The following RAB40B variants were observed in gnomAD, a reference collection of about 807,000 sequenced individuals.
RAB40B encodes RAB40B, member RAS oncogene family, also known as ras-related protein Rab-40B.
RAB40B carries 21 observed loss-of-function variants against 24.0 expected under a neutral mutation model. The ratio of observed to expected loss-of-function variants is 0.88; its 90% CI spans 0.62 to 1.26. The LOEUF is 1.26. Ranked by LOEUF, RAB40B falls within the 50% of genes most tolerant of loss-of-function variation. The pLI is 0.00. For missense variants in RAB40B, 348 were observed against 390.5 expected, an observed-to-expected ratio of 0.89 and a Z score of 0.92; for synonymous variants, 167 against 169.8, an observed-to-expected ratio of 0.98 and a Z score of 0.13.
intron 1 of RAB40B, among the ~76,000 whole-genome samples, chr17:82,679,628 C>A (rs1425451160): frequency 6.6e-6 from 1 of 152,192 alleles, no homozygotes; most frequent in African/African-American, 2.4e-5. Flanking sequence ...ACTAAACTCC[C>A]AAAAGGTGAG....
In RAB40B at chr17:82,658,276, G is replaced by A. The variant is rs534805417; in HGVS notation, c.566-142C>T. 83 of 1,222,002 alleles carry A rather than the reference G, an allele frequency of 6.8e-5. No individual in the cohort carries two copies. In the South Asian group the frequency reaches 1.0e-3, roughly 15 times the overall value. The allele number at this position is 1,222,002 out of a possible 1,614,324, so 75.7% of individuals were successfully genotyped here. On this transcript the variant is annotated intron_variant, in intron 5 of 5. Transcript: ENST00000571995. ...GCTTGTACATGCAGCAAGCCCTGCCGCGACGTCCCCTCTGCCCACGTACAG... is the reference window on the plus strand; with the variant it reads ...GCTTGTACATGCAGCAAGCCCTGCCACGACGTCCCCTCTGCCCACGTACAG...
chr17:82,658,337 C>A, intron 5 of RAB40B, 154 bp downstream of exon 5: 1 of 1,082,368 alleles, frequency 9.2e-7, no homozygotes. Context: ...TCTGACAAAG[C>A]TGTAGTCATT....
chr17:82,693,420 G>A (rs750181653), intron 1 of RAB40B, among the ~76,000 whole-genome samples: 1 of 152,258 alleles, frequency 6.6e-6, no homozygotes, highest in Non-Finnish European at 1.5e-5. Flanking sequence ...ACAGCCCCGT[G>A]CTGAGAGGGA....
In RAB40B at chr17:82,669,810, C is replaced by T. The variant is rs150210194; in HGVS notation, c.143-5254G>A. ...GTCCTTTAAAACCCTACTAAGCTCT[C>T]GGGAAGGCACCATCATGTGCCAAGT... is the stretch of plus-strand genomic sequence containing the variant. On this transcript the variant is annotated intron_variant, in intron 1 of 5. Transcript: ENST00000571995. Among the ~76,000 whole-genome samples, 10 of 152,324 alleles carry T rather than the reference C, an allele frequency of 6.6e-5. No individual in the cohort carries two copies. The East Asian group carries it at 1.5e-3, about 23-fold the overall frequency.
intron 1 of RAB40B, among the ~76,000 whole-genome samples, chr17:82,670,057 C>G (rs987248650): frequency 6.6e-6 from 1 of 152,156 alleles, no homozygotes; most frequent in Non-Finnish European, 1.5e-5. Context: ...CGAAGGGACA[C>G]TCACCCCCAC....
intron 1 of RAB40B, among the ~76,000 whole-genome samples, chr17:82,671,012 T>C (rs1318959412): frequency 6.6e-6 from 1 of 152,026 alleles, no homozygotes; most frequent in African/African-American, 2.4e-5. Flanking sequence ...TCTTTTGCTA[T>C]GCATCTCCAG....
At chr17:82,680,010 C>T (rs1159930480) in intron 1 of RAB40B, among the ~76,000 whole-genome samples, 1 of 152,246 alleles carries the variant, frequency 6.6e-6, no homozygotes, top group East Asian at 1.9e-4. Context: ...CCTCACAACC[C>T]ATCAGAGTGG....
At chr17:82,680,689 TTTTAAC>T (rs2046440434) in intron 1 of RAB40B, among the ~76,000 whole-genome samples, 2 of 152,302 alleles carry the variant, frequency 1.3e-5, no homozygotes, top group South Asian at 4.1e-4. Flanking sequence ...ATATATGTAA[TTTTAAC>T]ATTTTTCATA....
At chr17:82,668,680 G>C (rs965463308) in intron 1 of RAB40B, among the ~76,000 whole-genome samples, 1 of 152,256 alleles carries the variant, frequency 6.6e-6, no homozygotes, top group Non-Finnish European at 1.5e-5. Flanking sequence ...AGTGAGGAGA[G>C]GCCAGGCATT....
chr17:82,681,210 C>T lies in RAB40B; in HGVS notation c.143-16654G>A, dbSNP rs545621447. Reference sequence around the variant, plus strand: ...TGGTAGGTAAGTGGTAAATGAGCTCCCCCACCCCCAACTCCTTAGTGAAGA... The same window carrying T: ...TGGTAGGTAAGTGGTAAATGAGCTCTCCCACCCCCAACTCCTTAGTGAAGA... On this transcript the variant is annotated intron_variant, in intron 1 of 5. Transcript: ENST00000571995. 3.3e-5 allele frequency among the ~76,000 whole-genome samples: 5 copies of T among 151,998 alleles called. No individual in the cohort carries two copies. In the East Asian group the frequency reaches 9.7e-4, roughly 29 times the overall value.
intron 1 of RAB40B, among the ~76,000 whole-genome samples, chr17:82,689,217 GC>G (rs1465755727): frequency 6.6e-6 from 1 of 152,252 alleles, no homozygotes. Context: ...CACTCCTGGG[GC>G]AGGAGGAGCA....
intron 1 of RAB40B, among the ~76,000 whole-genome samples, chr17:82,673,550 G>A (rs986652833): frequency 3.3e-5 from 5 of 152,330 alleles, no homozygotes; most frequent in Non-Finnish European, 1.5e-5. Flanking sequence ...TCTTTAGGCT[G>A]CCCTCACTCT....
rs1478007629 is a variant in RAB40B, at chr17:82,661,015, A to G, written c.236T>C (p.Ile79Thr). ...DTSGQGRFCT[I>T]FRSYSRGAQG... ...TGCGCCCCGGGAGTAGGAGCGGAAT[A>G]TGGTACAAAATCTTCCCTGGCCTGA... is the stretch of plus-strand genomic sequence containing the variant. The change falls in exon 3 of 6, where the codon ATA becomes ACA. Residue 79 changes from isoleucine to threonine, a missense_variant. By Grantham distance (89) the Ile-to-Thr change is moderately conservative (BLOSUM62 -1). Around this residue, in one of 3 missense-constraint regions of RAB40B, gnomAD observed 126 missense variants for 181.0 expected, o/e 0.70. Transcript: ENST00000571995. 1 of 1,614,112 alleles carries G rather than the reference A, an allele frequency of 6.2e-7. No individual in the cohort carries two copies. The highest frequency in any genetic ancestry group is 1.1e-5 in the South Asian group (1 of 91,086).
chr17:82,669,203 C>T (rs9905734), intron 1 of RAB40B, among the ~76,000 whole-genome samples: 28,539 of 151,884 alleles, frequency 0.19, 3,097 homozygotes, highest in Middle Eastern at 0.3. Context: ...GGCCTGGGCG[C>T]GGTGGCTCAC....
chr17:82,657,936 C>T lies in RAB40B; in HGVS notation c.764G>A (p.Arg255His), dbSNP rs201456706. 7 of 1,614,004 alleles carry T rather than the reference C, an allele frequency of 4.3e-6. No individual in the cohort carries two copies. The highest frequency in any genetic ancestry group is 2.2e-5 in the East Asian group (1 of 44,858). ...GGGGGGGCGGACGAGCTTCACTTTG[C>T]GGAGGCTGCTCCTTTTGTGGGTGGA... ...TSSTHKRSSL[R>H]KVKLVRPPQS... Residue 255 changes from arginine (R) to histidine (H), a missense_variant, in exon 6 of 6, where the codon CGC becomes CAC. Physicochemically the swap from Arg to His is conservative, Grantham distance 29. Transcript: ENST00000571995.
At chr17:82,661,156 G>T in intron 2 of RAB40B, 109 bp from the exon 3 acceptor site, 1 of 1,509,074 alleles carries the variant, frequency 6.6e-7, no homozygotes, top group East Asian at 2.5e-5. Context: ...CCAGTCAGCA[G>T]CCACCACGCC....
chr17:82,660,929 T>C, intron 3 of RAB40B, 58 bp downstream of exon 3: 2 of 1,565,400 alleles, frequency 1.3e-6, no homozygotes, highest in East Asian at 2.2e-5. Context: ...AGTTAAGCAT[T>C]GTAAATGTTA....
At chr17:82,673,579 C>G (rs2046362182) in intron 1 of RAB40B, among the ~76,000 whole-genome samples, 5 of 152,216 alleles carry the variant, frequency 3.3e-5, no homozygotes, top group Admixed American at 2.6e-4. Flanking sequence ...TTTGGACAGG[C>G]ATACAATTGA....
In RAB40B at chr17:82,657,960, G is replaced by C. The variant is rs768754845; in HGVS notation, c.740C>G (p.Ser247Cys). ...HGGSYSLTTS[S>C]THKRSSLRKV... ...GCGGAGGCTGCTCCTTTTGTGGGTGGAGCTGGTGGTGAGGGAGTAGGAACC... is the reference window on the plus strand; with the variant it reads ...GCGGAGGCTGCTCCTTTTGTGGGTGCAGCTGGTGGTGAGGGAGTAGGAACC... The change falls in exon 6 of 6, where the codon TCC becomes TGC. Residue 247 changes from serine to cysteine, a missense_variant. By Grantham distance (112) the Ser-to-Cys change is moderately radical (BLOSUM62 -1). Transcript: ENST00000571995. 6.2e-7 allele frequency: 1 copy of C among 1,614,060 alleles called. No homozygotes were observed. The highest frequency in any genetic ancestry group is 1.3e-5 in the African/African-American group (1 of 74,934).
Sources: gnomAD v4.1 joint callset for allele counts (sites outside exome capture counted in the v4.1 genomes callset) on GRCh38, gnomAD v4.1.1 for gene constraint, gnomAD v4.1.1 regional missense constraint, MANE v1.5 for transcripts, NCBI Gene and HGNC (gene_info 2026-07-23, HGNC 2026-07-21) for gene names.